Variants in PCDHGB6 observed in about 807,000 individuals in gnomAD.
PCDHGB6 encodes protocadherin gamma-B6.
In PCDHGB6, 51 loss-of-function variants were observed where a neutral mutation model predicts 59.1. The observed-to-expected ratio is 0.86, with a 90% CI of 0.69 to 1.09. PCDHGB6 has a LOEUF of 1.09. PCDHGB6 is among the 50% of genes least tolerant of loss of function. The pLI, the probability that PCDHGB6 is intolerant of heterozygous loss-of-function variation, is 0.00. For synonymous variants in PCDHGB6, 466 were observed against 495.1 expected, an observed-to-expected ratio of 0.94 and a Z score of 0.78; for missense variants, 1,148 against 1,205.1, an observed-to-expected ratio of 0.95 and a Z score of 0.70.
chr5:141,467,055 C>CTT (rs1193465269), intron 1 of PCDHGB6, among the ~76,000 whole-genome samples: 5 of 134,496 alleles, frequency 3.7e-5, no homozygotes, highest in African/African-American at 5.4e-5. Context: ...TCAATGTTTT[C>CTT]TTTTTTTTTT....
chr5:141,458,848 T>C (rs1044462303), intron 1 of PCDHGB6, among the ~76,000 whole-genome samples: 1 of 152,182 alleles, frequency 6.6e-6, no homozygotes, highest in Non-Finnish European at 1.5e-5. Flanking sequence ...TCCTCCCACC[T>C]CAGCCTTCCA....
chr5:141,422,360 G>C (rs766368774), intron 1 of PCDHGB6: 1 of 1,559,254 alleles, frequency 6.4e-7, no homozygotes, highest in African/African-American at 1.4e-5. Context: ...CAAGATTCTG[G>C]AGAAAATGGT....
chr5:141,423,758 G>GGGT, intron 1 of PCDHGB6: 1 of 366,842 alleles, frequency 2.7e-6, no homozygotes, highest in Non-Finnish European at 3.8e-6. Context: ...TTTGGGGGGG[G>GGGT]GGTGGGGCGG....
At chr5:141,509,625 G>T (rs915049847) in intron 3 of PCDHGB6, among the ~76,000 whole-genome samples, 1 of 152,186 alleles carries the variant, frequency 6.6e-6, no homozygotes, top group Non-Finnish European at 1.5e-5. Flanking sequence ...AAGTTCCTGG[G>T]TGATGCTGAG....
intron 1 of PCDHGB6, chr5:141,419,837 C>G (rs778271441): frequency 1.2e-6 from 2 of 1,614,090 alleles, no homozygotes; most frequent in South Asian, 2.2e-5. Context: ...CACTGCCACG[C>G]TGCACCTGGT....
chr5:141,505,779 T>G (rs1420143439), intron 3 of PCDHGB6, among the ~76,000 whole-genome samples: 1 of 139,496 alleles, frequency 7.2e-6, no homozygotes, highest in Non-Finnish European at 1.6e-5. Flanking sequence ...GTCCTAGCTC[T>G]GCTACTATCC....
At chr5:141,416,215 A>G (rs969061407) in intron 1 of PCDHGB6, 1 of 152,400 alleles carries the variant, frequency 6.6e-6, no homozygotes, top group Non-Finnish European at 1.5e-5. Flanking sequence ...ATAACAATGT[A>G]TGCTTAGATT....
At chr5:141,509,845 C>G (rs1021433327) in intron 3 of PCDHGB6, among the ~76,000 whole-genome samples, 1 of 152,190 alleles carries the variant, frequency 6.6e-6, no homozygotes, top group African/African-American at 2.4e-5. Context: ...CCCATTCACT[C>G]AGAACAGGGA....
rs117623972 is a variant in PCDHGB6 at position 141,503,322 on chromosome 5, C to T, written c.2478-2071C>T. On this transcript the variant is annotated intron_variant, in intron 2 of 3. Transcript: ENST00000520790. Reference sequence around the variant, plus strand: ...GCTCAAGAAAGAATTGTTGGAGGGGCGCGGTGGCTCACGCCTGTAATTCCA... The same window carrying T: ...GCTCAAGAAAGAATTGTTGGAGGGGTGCGGTGGCTCACGCCTGTAATTCCA... Among the ~76,000 whole-genome samples, 216 of 152,126 alleles carry T rather than the reference C, an allele frequency of 1.4e-3. 8 individuals carry two copies. In the East Asian group the frequency reaches 0.038, roughly 27 times the overall value.
rs114918874 is a variant in PCDHGB6 at position 141,487,585 on chromosome 5, C to T, written c.2419-7222C>T. On this transcript the variant is annotated intron_variant, in intron 1 of 3. Transcript: ENST00000520790. This position sits in a 1 kb window ranked among gnomAD's most constrained non-coding sequence, Gnocchi z 5.0. Reference sequence around the variant, plus strand: ...CAGGGGAGCCTGTTCGCCCAAGCTGCCCACCCTCTGATCTTCTCTATGGGC... The same window carrying T: ...CAGGGGAGCCTGTTCGCCCAAGCTGTCCACCCTCTGATCTTCTCTATGGGC... 7,902 of 1,614,160 alleles carry T rather than the reference C, an allele frequency of 4.9e-3. 42 individuals are homozygous for T. The highest frequency in any genetic ancestry group is 8.8e-3 in the Admixed American group (531 of 60,020).
At chr5:141,413,148 C>G (rs370253778) in intron 1 of PCDHGB6, 10 of 1,570,530 alleles carry the variant, frequency 6.4e-6, no homozygotes, top group Middle Eastern at 1.7e-4. Flanking sequence ...CCAGTGAGGA[C>G]TTTGCAGAAT....
At chr5:141,441,930 G>T in intron 1 of PCDHGB6, 1 of 347,232 alleles carries the variant, frequency 2.9e-6, no homozygotes, top group Non-Finnish European at 5.5e-6. Flanking sequence ...ATGCGTGGCT[G>T]TCCTACCACG....
At chr5:141,436,211 C>T (rs12108692) in intron 1 of PCDHGB6, among the ~76,000 whole-genome samples, 2,997 of 152,100 alleles carry the variant, frequency 0.02, 43 homozygotes, top group African/African-American at 0.029. Flanking sequence ...AATAGGAAAA[C>T]AAATGACTTG....
chr5:141,432,627 C>T lies in PCDHGB6; in HGVS notation c.2418+22007C>T. ...GGACTCTTCTCGGTGGGTCTGCACA[C>T]GGGCGAGGTGCGCACGGCGCGAGCC... On this transcript the variant is annotated intron_variant, in intron 1 of 3. Coordinates refer to ENST00000520790, the MANE Select transcript of PCDHGB6 (RefSeq NM_018926.3). This position sits in a 1 kb window ranked among gnomAD's most constrained non-coding sequence, Gnocchi z 6.0. 1.2e-6 allele frequency: 2 copies of T among 1,613,770 alleles called. No individual in the cohort carries two copies. Among genetic ancestry groups the T allele is most frequent in the Non-Finnish European group, 1.7e-6 (2 of 1,179,944 alleles).
rs371499368 is a variant in PCDHGB6 at position 141,414,269 on chromosome 5, C to T, written c.2418+3649C>T. The stretch of plus-strand genomic sequence containing the variant: ...TTTAGTCCAGTGACTGAAGATTCAC[C>T]TCTGGGAACAGTCGTAGCCCTTTTA... On this transcript the variant is annotated intron_variant, in intron 1 of 3. Coordinates refer to ENST00000520790, the MANE Select transcript of PCDHGB6 (RefSeq NM_018926.3). 8.1e-6 allele frequency: 13 copies of T among 1,613,266 alleles called. No homozygotes were observed. The African/African-American group carries it at 1.6e-4, about 20-fold the overall frequency.
Position 141,409,872 on chromosome 5 carries a change from A to T in PCDHGB6, c.1670A>T (p.Asp557Val). Residue 557 changes from aspartate (D) to valine (V), a missense_variant, in exon 1 of 4, where the codon GAC (aspartate) becomes GTC (valine). Asp to Val is a radical substitution (Grantham distance 152). Transcript: ENST00000520790. The part of the protein sequence containing the change: ...SLRVLVGDRN[D>V]NAPRVLYPAL... ...CGCGTGTTGGTGGGAGACCGCAATGACAACGCACCGCGGGTGCTGTACCCA... is the reference window on the plus strand; with the variant it reads ...CGCGTGTTGGTGGGAGACCGCAATGTCAACGCACCGCGGGTGCTGTACCCA... 1 of 1,612,828 alleles carries T rather than the reference A, an allele frequency of 6.2e-7. No individual in the cohort carries two copies.
chr5:141,453,848 C>T (rs1045684685), intron 1 of PCDHGB6, among the ~76,000 whole-genome samples: 38 of 152,290 alleles, frequency 2.5e-4, no homozygotes, highest in Non-Finnish European at 4.4e-4. Context: ...GTCCACAGAG[C>T]ACTTTGAAAA....
intron 1 of PCDHGB6, chr5:141,413,350 G>A: frequency 6.2e-7 from 1 of 1,613,974 alleles, no homozygotes; most frequent in Non-Finnish European, 8.5e-7. Context: ...CTTGGGTCTG[G>A]CGCCCCGGGA....
chr5:141,419,085 C>T (rs759272094), intron 1 of PCDHGB6: 1 of 1,613,936 alleles, frequency 6.2e-7, no homozygotes, highest in Non-Finnish European at 8.5e-7. Flanking sequence ...ACAGATGAGG[C>T]CCTGGATCGG....
Sources: allele counts gnomAD v4.1 joint callset (sites outside exome capture counted in the v4.1 genomes callset), GRCh38; gene constraint gnomAD v4.1.1; non-coding constraint Gnocchi (gnomAD v3.1); transcripts MANE v1.5; gene names NCBI Gene and HGNC (gene_info 2026-07-23, HGNC 2026-07-21).